SHTN1: variants seen among roughly 807,000 people sequenced by gnomAD.
SHTN1 encodes the protein shootin 1.
Under a neutral mutation model 83.1 loss-of-function variants are expected in SHTN1, and 42 were observed. The ratio of observed to expected loss-of-function variants is 0.51; its 90% CI spans 0.39 to 0.65. The LOEUF is 0.65. SHTN1 is among the 30% of genes least tolerant of loss of function. The probability of loss-of-function intolerance (pLI) is 0.00; values close to 1 mark genes in which losing one functional copy is unlikely to be tolerated. For synonymous variants in SHTN1, 224 were observed against 247.7 expected, an observed-to-expected ratio of 0.90 and a Z score of 0.90; for missense variants, 622 against 737.8, an observed-to-expected ratio of 0.84 and a Z score of 1.82.
intron 1 of SHTN1, among the ~76,000 whole-genome samples, chr10:116,982,113 T>C (rs1851044068): frequency 6.6e-6 from 1 of 152,108 alleles, no homozygotes; most frequent in Non-Finnish European, 1.5e-5. Context: ...CATTAAGAAA[T>C]TTTTTCTATT....
intron 16 of SHTN1, among the ~76,000 whole-genome samples, chr10:116,899,229 A>T (rs928549843): frequency 3.9e-5 from 6 of 152,186 alleles, no homozygotes; most frequent in Non-Finnish European, 7.3e-5. Context: ...AATAAAGTAT[A>T]TAGTAAGTTA....
intron 7 of SHTN1, among the ~76,000 whole-genome samples, chr10:116,948,589 A>C (rs1849668422): frequency 6.6e-6 from 1 of 152,194 alleles, no homozygotes; most frequent in Non-Finnish European, 1.5e-5. Context: ...GATTTACTAA[A>C]TAACCTACCA....
At chr10:116,896,695 A>T (rs1847533050) in intron 16 of SHTN1, among the ~76,000 whole-genome samples, 1 of 152,186 alleles carries the variant, frequency 6.6e-6, no homozygotes, top group Non-Finnish European at 1.5e-5. Flanking sequence ...TTAGAGGACC[A>T]GCAGAGCGGC....
In SHTN1 at chr10:116,886,198, T is replaced by C. The variant is rs1452259666; in HGVS notation, c.*146A>G. The C allele has an allele frequency of 4.4e-6, 5 of 1,136,076 alleles. No individual in the cohort carries two copies. In the East Asian group the frequency reaches 7.7e-5, roughly 18 times the overall value. The allele number at this position is 1,136,076 out of a possible 1,614,324, so 70.4% of individuals were successfully genotyped here. A position where few individuals can be genotyped will look rare whatever the true frequency, so the allele number is the denominator to read the frequency against. On this transcript the variant is annotated 3_prime_UTR_variant, in exon 17 of 17. Transcript: ENST00000355371. ...ACAGCTTACTTATGTTTATAGTTGC[T>C]ACTTACAAAAGTGACACCAGAAAAG...
intron 2 of SHTN1, among the ~76,000 whole-genome samples, chr10:117,026,451 T>A (rs1438567921): frequency 6.6e-6 from 1 of 150,538 alleles, no homozygotes. Context: ...AGACAGTGTT[T>A]CACTCTTGTT....
intron 1 of SHTN1, among the ~76,000 whole-genome samples, chr10:117,084,991 C>G (rs538249198): frequency 2.6e-5 from 4 of 152,196 alleles, no homozygotes; most frequent in Admixed American, 1.3e-4. Context: ...AGAAATCACC[C>G]GTCTTCTGGG....
chr10:116,919,655 G>GA (rs1337038188), intron 12 of SHTN1, among the ~76,000 whole-genome samples: 3 of 151,782 alleles, frequency 2.0e-5, no homozygotes, highest in African/African-American at 4.8e-5. Flanking sequence ...TGTCTCTCCC[G>GA]AAAAAAATGA....
In SHTN1 at chr10:116,929,964, G is replaced by A; in HGVS notation, c.897C>T (p.Leu299=). Reference sequence around the variant, plus strand: ...GTTTGAGGTTGTGTATTTCTTTGTGGAGTGTTTCATTTTCTAGTTGCTCTT... The same window carrying A: ...GTTTGAGGTTGTGTATTTCTTTGTGAAGTGTTTCATTTTCTAGTTGCTCTT... ...ELEEQLENET[L]HKEIHNLKQQ... Residue 299 remains leucine, a synonymous_variant, in exon 10 of 17, where the codon CTC becomes CTT. Transcript: ENST00000355371. The A allele has an allele frequency of 6.9e-6, 11 of 1,600,602 alleles. No individual in the cohort carries two copies. The highest frequency in any genetic ancestry group is 9.4e-6 in the Non-Finnish European group (11 of 1,173,084).
At chr10:116,925,809 A>C (rs1478788671) in intron 11 of SHTN1, among the ~76,000 whole-genome samples, 1 of 152,122 alleles carries the variant, frequency 6.6e-6, no homozygotes, top group Non-Finnish European at 1.5e-5. Flanking sequence ...AGAAGGGAAA[A>C]GCAGTAAGCC....
At chr10:116,988,534 ATTATTTATTTAT>A (rs766851847) in intron 1 of SHTN1, among the ~76,000 whole-genome samples, 1 of 145,484 alleles carries the variant, frequency 6.9e-6, no homozygotes, top group Non-Finnish European at 1.5e-5. Context: ...TTACTTATAT[ATTATTTATTTAT>A]TTATTTATTT....
At chr10:116,931,690 G>A (rs756990495) in intron 9 of SHTN1, among the ~76,000 whole-genome samples, 2 of 152,076 alleles carry the variant, frequency 1.3e-5, no homozygotes, top group Non-Finnish European at 2.9e-5. Flanking sequence ...ACTGACATGA[G>A]AAGATATATT....
chr10:116,926,925 C>T (rs1050249471), intron 11 of SHTN1, among the ~76,000 whole-genome samples: 1 of 152,106 alleles, frequency 6.6e-6, no homozygotes, highest in Non-Finnish European at 1.5e-5. Flanking sequence ...AAGTGATGTA[C>T]ATAATGCCAT....
intron 9 of SHTN1, among the ~76,000 whole-genome samples, chr10:116,932,931 A>G (rs1027244976): frequency 3.9e-5 from 6 of 152,208 alleles, no homozygotes; most frequent in African/African-American, 1.4e-4. Context: ...ATTTAACTGT[A>G]AGTAGCTGGA....
intron 4 of SHTN1, among the ~76,000 whole-genome samples, chr10:116,955,260 A>G (rs1023830728): frequency 6.6e-6 from 1 of 152,184 alleles, no homozygotes; most frequent in Non-Finnish European, 1.5e-5. Context: ...GCACACACAA[A>G]GACTAAGGAT....
chr10:116,942,236 G>A (rs1425976757), intron 8 of SHTN1, among the ~76,000 whole-genome samples: 2 of 149,750 alleles, frequency 1.3e-5, no homozygotes, highest in African/African-American at 4.9e-5. Context: ...TTTTTGAGAT[G>A]GAGTCTCGCT....
intron 11 of SHTN1, among the ~76,000 whole-genome samples, chr10:116,923,045 A>G (rs959326011): frequency 1.3e-5 from 2 of 152,216 alleles, no homozygotes; most frequent in African/African-American, 2.4e-5. Flanking sequence ...CCAATTACAT[A>G]AAGTTCAAAA....
intron 1 of SHTN1, among the ~76,000 whole-genome samples, chr10:116,999,099 G>A (rs1409126335): frequency 6.6e-6 from 1 of 152,072 alleles, no homozygotes; most frequent in Non-Finnish European, 1.5e-5. Context: ...AAAGTGCTGG[G>A]ATTATACGCG....
chr10:117,096,146 A>G (rs1007466924), intron 1 of SHTN1, among the ~76,000 whole-genome samples: 4 of 152,208 alleles, frequency 2.6e-5, no homozygotes, highest in Admixed American at 1.3e-4. Flanking sequence ...AAAAAGATAC[A>G]CACTATCTCC....
chr10:116,923,714 T>C (rs1299501575), intron 11 of SHTN1, among the ~76,000 whole-genome samples: 1 of 152,048 alleles, frequency 6.6e-6, no homozygotes, highest in African/African-American at 2.4e-5. Flanking sequence ...CCACCACTCC[T>C]GGTTAATGTT....
Sources: allele counts gnomAD v4.1 joint callset (sites outside exome capture counted in the v4.1 genomes callset), GRCh38; gene constraint gnomAD v4.1.1; transcripts MANE v1.5; gene names NCBI Gene and HGNC (gene_info 2026-07-23, HGNC 2026-07-21).